ZDHHC11: variants seen among roughly 807,000 people sequenced by gnomAD.
ZDHHC11 encodes zDHHC palmitoyltransferase 11, also known as palmitoyltransferase ZDHHC11.
In ZDHHC11, 44 loss-of-function variants were observed where a neutral mutation model predicts 51.3. That is an observed-to-expected ratio of 0.86 (90% CI 0.67 to 1.10). The LOEUF (loss-of-function observed/expected upper bound fraction) is 1.10. Ranked by LOEUF, ZDHHC11 falls within the 50% of genes least tolerant of loss-of-function variation. The pLI is 0.00. For synonymous variants in ZDHHC11, 163 were observed against 222.0 expected (o/e 0.73, Z 2.36); for missense variants, 400 against 537.7 (o/e 0.74, Z 2.53).
At chr5:823,782 G>C (rs142631745) in intron 8 of ZDHHC11, 4,443 of 295,766 alleles carry the variant, frequency 0.015, 247 homozygotes, top group African/African-American at 0.083. Context: ...AGAAGCTGCA[G>C]AGACACTGAG....
intron 1 of ZDHHC11, among the ~76,000 whole-genome samples, chr5:850,047 A>G (rs1206519939): frequency 6.6e-6 from 1 of 152,226 alleles, no homozygotes; most frequent in Non-Finnish European, 1.5e-5. Context: ...GCAAGGAGAA[A>G]GGTGCTGGCC....
upstream of ZDHHC11, among the ~76,000 whole-genome samples, chr5:854,996 G>GTC (rs1373281436): frequency 7.7e-6 from 1 of 130,084 alleles, no homozygotes; most frequent in Non-Finnish European, 1.6e-5. Flanking sequence ...GAGCCAGGGG[G>GTC]ACAGACCCCA....
At chr5:837,096 A>G (rs1743975479) in intron 6 of ZDHHC11, among the ~76,000 whole-genome samples, 1 of 152,128 alleles carries the variant, frequency 6.6e-6, no homozygotes, top group Non-Finnish European at 1.5e-5. Context: ...ACTTTGGAAG[A>G]TGTATCGTGC....
intron 1 of ZDHHC11, among the ~76,000 whole-genome samples, chr5:857,470 A>C (rs1300802954): frequency 1.3e-5 from 2 of 151,926 alleles, no homozygotes; most frequent in African/African-American, 4.8e-5. Context: ...CCATCTGTGT[A>C]TATGACACCA....
At chr5:856,538 C>CCA (rs1184261619) in intron 1 of ZDHHC11, among the ~76,000 whole-genome samples, 3 of 150,000 alleles carry the variant, frequency 2.0e-5, no homozygotes, top group Non-Finnish European at 4.4e-5. Flanking sequence ...AGATCACACA[C>CCA]CACACAACTC....
chr5:799,341 G>A (rs539435502), intron 12 of ZDHHC11, among the ~76,000 whole-genome samples: 43 of 151,098 alleles, frequency 2.8e-4, no homozygotes, highest in African/African-American at 9.4e-4. Context: ...AGAAGGCTGA[G>A]ACCCTCACCA....
chr5:818,405 G>A (rs1410470744), intron 10 of ZDHHC11, among the ~76,000 whole-genome samples: 10 of 151,750 alleles, frequency 6.6e-5, no homozygotes, highest in African/African-American at 9.7e-5. Context: ...CGCCAGCGTC[G>A]CTGTTCCTCC....
Position 850,919 on chromosome 5 carries a change from A to C in ZDHHC11, c.-317T>G, listed in dbSNP as rs1342951390. On this transcript the variant is annotated 5_prime_UTR_variant, in exon 1 of 13. Transcript: ENST00000283441. ...GCGCGACCGCCCATCAGTTCCCCTG[A>C]GGATTTGTTACGTTCTGGGGAGTGC... The C allele has an allele frequency of 4.6e-6, 2 of 439,230 alleles. No individual in the cohort carries two copies. The highest frequency in any genetic ancestry group is 3.9e-6 in the Non-Finnish European group (1 of 254,542). The allele number at this position is 439,230 out of a possible 1,614,324, so 27.2% of individuals were successfully genotyped here.
chr5:850,973 C>T lies in ZDHHC11; in HGVS notation c.-371G>A, dbSNP rs1057149957. 4.6e-5 allele frequency: 15 copies of T among 329,072 alleles called. No homozygotes were observed. The highest frequency in any genetic ancestry group is 7.3e-5 in the Non-Finnish European group (13 of 178,262). 20.4% of individuals were successfully genotyped at this position (329,072 alleles called of 1,614,324 possible). On this transcript the variant is annotated 5_prime_UTR_variant, in exon 1 of 13. Transcript: ENST00000283441. ...ACAGCCCCCACACAGCGACAGGTCCCACAACCCGTTCACGAATACACAGGC... is the reference window on the plus strand; with the variant it reads ...ACAGCCCCCACACAGCGACAGGTCCTACAACCCGTTCACGAATACACAGGC...
At chr5:798,864 A>C (rs879964612) in intron 12 of ZDHHC11, among the ~76,000 whole-genome samples, 5,116 of 130,168 alleles carry the variant, frequency 0.039, 5 homozygotes, top group Non-Finnish European at 0.056. Flanking sequence ...AATGATTTAG[A>C]CTCATTCAAA....
At chr5:813,734 G>A (rs1428383180) in intron 11 of ZDHHC11, among the ~76,000 whole-genome samples, 3 of 147,256 alleles carry the variant, frequency 2.0e-5, no homozygotes, top group African/African-American at 5.3e-5. Flanking sequence ...TTCTGTGCAG[G>A]CTGGGGTGGG....
At chr5:837,684 C>G (rs535603887) in intron 5 of ZDHHC11, among the ~76,000 whole-genome samples, 1 of 151,912 alleles carries the variant, frequency 6.6e-6, no homozygotes, top group South Asian at 2.1e-4. Context: ...TGATGGTCAG[C>G]AGGAGGGGTC....
intron 12 of ZDHHC11, among the ~76,000 whole-genome samples, chr5:800,210 G>C (rs1256161447): frequency 1.3e-5 from 2 of 150,904 alleles, no homozygotes; most frequent in African/African-American, 4.9e-5. Flanking sequence ...GAGGATACCA[G>C]GGCTTTTGAT....
At position 802,871 on chromosome 5, in the gene ZDHHC11, A is replaced by AAAAAAAAAAAAAAAAAAAC. The variant is rs1561228376; in HGVS notation, c.1182-1708_1182-1707insGTTTTTTTTTTTTTTTTTT. ...AAAAAAAAAAAAAAAAAAAAAAAAAAAAAGCTAAATGTGGTGGTTAGTGCC... is the reference window on the plus strand; with the variant it reads ...AAAAAAAAAAAAAAAAAAAAAAAAAAAAAAAAAAAAAAAAAAAACAAAGCTAAATGTGGTGGTTAGTGCC... On this transcript the variant is annotated intron_variant, in intron 11 of 12. Coordinates refer to ENST00000283441, the MANE Select transcript of ZDHHC11 (RefSeq NM_024786.3). 2.6e-5 allele frequency among the ~76,000 whole-genome samples: 3 copies of AAAAAAAAAAAAAAAAAAAC among 114,244 alleles called. 1 individual carries two copies. The highest frequency in any genetic ancestry group is 1.1e-4 in the African/African-American group (3 of 26,148). The allele number at this position is 114,244 out of a possible 152,430, so 74.9% of individuals were successfully genotyped here.
chr5:847,198 G>C (rs1430047220), intron 3 of ZDHHC11, among the ~76,000 whole-genome samples: 1 of 151,750 alleles, frequency 6.6e-6, no homozygotes, highest in East Asian at 1.9e-4. Context: ...GCCTCAGCCT[G>C]GGTGGAGAGA....
At chr5:814,661 T>G in intron 11 of ZDHHC11, 100 bp downstream of exon 11, 1 of 1,263,116 alleles carries the variant, frequency 7.9e-7, no homozygotes, top group South Asian at 1.8e-5. Flanking sequence ...GTCATCAGAT[T>G]ATTTGAACAT....
At chr5:816,598 C>A (rs1002662216) in intron 10 of ZDHHC11, 3 of 628,496 alleles carry the variant, frequency 4.8e-6, no homozygotes, top group Non-Finnish European at 9.2e-6. Context: ...GTCACCTCAC[C>A]ATCTGTACAA....
chr5:835,266 C>T lies in ZDHHC11; in HGVS notation c.901-1459G>A, dbSNP rs1212564636. Among the ~76,000 whole-genome samples the T allele has an allele frequency of 3.3e-5, 5 of 151,314 alleles. 1 individual carries two copies. The highest frequency in any genetic ancestry group is 7.4e-5 in the Non-Finnish European group (5 of 67,642). On this transcript the variant is annotated intron_variant, in intron 6 of 12. Transcript: ENST00000283441. ...AACTCAATCATTCTTTTTTCTTTTC[C>T]ATGTGGATATCCAATTGTTCTAGTA... is the stretch of plus-strand genomic sequence containing the variant.
chr5:803,344 G>A (rs1490805959), intron 11 of ZDHHC11, among the ~76,000 whole-genome samples: 1 of 151,488 alleles, frequency 6.6e-6, no homozygotes. Flanking sequence ...CTTGTTTGTA[G>A]CTTGTTTGTA....
Sources: gnomAD v4.1 joint callset for allele counts (sites outside exome capture counted in the v4.1 genomes callset) on GRCh38, gnomAD v4.1.1 for gene constraint, MANE v1.5 for transcripts, NCBI Gene and HGNC (gene_info 2026-07-23, HGNC 2026-07-21) for gene names.